The following DSP variants were observed in gnomAD, a reference collection of about 807,000 sequenced individuals.
DSP encodes 250/210 kDa paraneoplastic pemphigus antigen.
DSP carries 114 observed loss-of-function variants against 290.6 expected under a neutral mutation model. The observed-to-expected ratio is 0.39, with a 90% CI of 0.34 to 0.46. The LOEUF (loss-of-function observed/expected upper bound fraction) is 0.46. Ranked by LOEUF, DSP falls within the 20% of genes least tolerant of loss-of-function variation. DSP has a pLI of 0.99. For missense variants in DSP, 3,230 were observed against 3,495.8 expected (o/e 0.92, Z 1.92); for synonymous variants, 1,311 against 1,316.4 (o/e 1.00, Z 0.09).
intron 2 of DSP, among the ~76,000 whole-genome samples, chr6:7,557,377 C>A (rs1311800634): frequency 6.6e-6 from 1 of 152,154 alleles, no homozygotes; most frequent in Non-Finnish European, 1.5e-5. Flanking sequence ...CAGAAGCCTT[C>A]TTTTTAAGAA....
At chr6:7,545,966 C>G (rs773583941) in intron 1 of DSP, among the ~76,000 whole-genome samples, 4 of 152,138 alleles carry the variant, frequency 2.6e-5, no homozygotes, top group Non-Finnish European at 4.4e-5. Context: ...GCATTGGAGA[C>G]CTTGAATGCC....
At chr6:7,548,825 TA>T (rs1758249580) in intron 1 of DSP, among the ~76,000 whole-genome samples, 1 of 152,202 alleles carries the variant, frequency 6.6e-6, no homozygotes, top group Admixed American at 6.5e-5. Flanking sequence ...AGATGAGCCA[TA>T]ATACCCTCAG....
In DSP at chr6:7,577,787, G is replaced by A; in HGVS notation, c.2886G>A (p.Glu962=). 1 of 1,613,866 alleles carries A rather than the reference G, an allele frequency of 6.2e-7. No individual in the cohort carries two copies. The highest frequency in any genetic ancestry group is 8.5e-7 in the Non-Finnish European group (1 of 1,179,778). The change falls in exon 21 of 24, where the codon GAG becomes GAA. Residue 962 remains glutamate (E), a synonymous_variant. Coordinates refer to ENST00000379802, the MANE Select transcript of DSP (RefSeq NM_004415.4). ...ELCANSIKDY[E]LQLASYTSGL... is the part of the protein sequence containing the mutation. ...ACTTCATTATGCTGCAGGATTATGA[G>A]CTCCAGCTGGCCTCATACACCTCAG...
chr6:7,567,033 G>A (rs1335490287), intron 8 of DSP, among the ~76,000 whole-genome samples: 1 of 152,164 alleles, frequency 6.6e-6, no homozygotes, highest in Non-Finnish European at 1.5e-5. Context: ...ACAGGGCTCG[G>A]TGTGGCAAAG....
chr6:7,578,838 C>T (rs571147892), intron 22 of DSP, among the ~76,000 whole-genome samples: 2 of 152,240 alleles, frequency 1.3e-5, no homozygotes, highest in African/African-American at 2.4e-5. Context: ...TGCTTTATTT[C>T]TCTGTGTTAA....
At chr6:7,564,869 G>A (rs918543413) in intron 6 of DSP, among the ~76,000 whole-genome samples, 2 of 152,168 alleles carry the variant, frequency 1.3e-5, no homozygotes, top group Non-Finnish European at 2.9e-5. Context: ...TTAAGGCCAG[G>A]TGTGGTGGCT....
intron 1 of DSP, among the ~76,000 whole-genome samples, chr6:7,549,640 A>C (rs1359689073): frequency 6.6e-6 from 1 of 152,208 alleles, no homozygotes; most frequent in Admixed American, 6.5e-5. Context: ...AATTCCTAAC[A>C]CACATTTCCT....
rs1348738133 is a variant in DSP at position 7,583,733 on chromosome 6, T to C, written c.6471T>C (p.Asp2157=). Reference sequence around the variant, plus strand: ...TGGCCCGGGGGCTGATTGATAGAGATTTGTATCGATCCCTGAATGATCCCC... The same window carrying C: ...TGGCCCGGGGGCTGATTGATAGAGACTTGTATCGATCCCTGAATGATCCCC... ...VALARGLIDR[D]LYRSLNDPRD... Residue 2157 remains aspartate (D), a synonymous_variant, in exon 24 of 24, where the codon GAT becomes GAC. Transcript: ENST00000379802. The surrounding 1 kb of genome is among the most constrained non-coding windows in gnomAD (Gnocchi z 4.0). 2 of 1,613,912 alleles carry C rather than the reference T, an allele frequency of 1.2e-6. No homozygotes were observed. The highest frequency in any genetic ancestry group is 2.2e-5 in the East Asian group (1 of 44,854).
At chr6:7,571,285 G>C in intron 13 of DSP, 98 bp from the exon 14 acceptor site, 1 of 1,125,968 alleles carries the variant, frequency 8.9e-7, no homozygotes, top group South Asian at 1.2e-5. Context: ...GTGTTGCTTT[G>C]AGTCCCATCT....
At chr6:7,571,290 C>T in intron 13 of DSP, 93 bp from the exon 14 acceptor site, 1 of 1,215,686 alleles carries the variant, frequency 8.2e-7, no homozygotes, top group Non-Finnish European at 1.2e-6. Context: ...GCTTTGAGTC[C>T]CATCTAGTGG....
At chr6:7,546,717 G>A (rs758026566) in intron 1 of DSP, among the ~76,000 whole-genome samples, 4 of 152,158 alleles carry the variant, frequency 2.6e-5, no homozygotes, top group South Asian at 4.2e-4. Context: ...CTCAGTCTGC[G>A]TTCCTGTGAA....
rs1759644550 is a variant in DSP at position 7,585,735 on chromosome 6, T to A, written c.8473T>A (p.Ser2825Thr). The A allele has an allele frequency of 1.2e-6, 2 of 1,609,698 alleles. No individual in the cohort carries two copies. Among genetic ancestry groups the A allele is most frequent in the Non-Finnish European group, 1.7e-6 (2 of 1,177,398 alleles). Residue 2825 changes from serine (S) to threonine (T), a missense_variant, in exon 24 of 24, where the codon TCC becomes ACC. Transcript: ENST00000379802. ...SPYNMSSAPG[S>T]RSGSRSGSRS... is the part of the protein sequence containing the mutation. ...TTACAACATGTCTTCGGCTCCGGGG[T>A]CCCGCTCCGGCTCCCGCTCGGGATC...
chr6:7,542,564 A>G (rs1343116610), intron 1 of DSP, among the ~76,000 whole-genome samples: 4 of 152,168 alleles, frequency 2.6e-5, no homozygotes, highest in Middle Eastern at 3.4e-3. Flanking sequence ...CTCACCCCCA[A>G]TCCCCAGTAA....
intron 1 of DSP, among the ~76,000 whole-genome samples, chr6:7,542,794 C>G (rs780968350): frequency 6.6e-6 from 1 of 152,216 alleles, no homozygotes; most frequent in African/African-American, 2.4e-5. Flanking sequence ...CGCCGCAGCC[C>G]CCGCGGGCGA....
chr6:7,552,565 A>AG (rs549758708), intron 1 of DSP, among the ~76,000 whole-genome samples: 11 of 114,616 alleles, frequency 9.6e-5, no homozygotes, highest in African/African-American at 3.1e-4. Flanking sequence ...TCCATCTCGG[A>AG]AAAAAAAAAA....
At chr6:7,577,447 G>T (rs1759272944) in intron 20 of DSP, among the ~76,000 whole-genome samples, 1 of 152,134 alleles carries the variant, frequency 6.6e-6, no homozygotes, top group Non-Finnish European at 1.5e-5. Context: ...TCCCGCCTCA[G>T]CTTCCTGAGT....
intron 15 of DSP, among the ~76,000 whole-genome samples, chr6:7,573,591 A>AG (rs1759127685): frequency 1.3e-5 from 2 of 151,948 alleles, no homozygotes; most frequent in Non-Finnish European, 2.9e-5. Flanking sequence ...AAAAAAAAAA[A>AG]GAAAGAAAGA....
chr6:7,561,208 T>C (rs1758679993), intron 4 of DSP, among the ~76,000 whole-genome samples: 1 of 152,226 alleles, frequency 6.6e-6, no homozygotes. Context: ...CGCCTTGGCC[T>C]CCCAAAGTAT....
Position 7,583,537 on chromosome 6 carries a change from C to T in DSP, c.6275C>T (p.Ala2092Val), listed in dbSNP as rs876657796. ...CAGCAGATATATGCAGCAGAAAAAG[C>T]TATCACTGGTTTTGATGATCCATTT... ...DRQQIYAAEK[A>V]ITGFDDPFSG... Residue 2092 changes from alanine to valine, a missense_variant, in exon 24 of 24, where the codon GCT becomes GTT. By Grantham distance (64) the Ala-to-Val change is moderately conservative (BLOSUM62 0). Coordinates refer to ENST00000379802, the MANE Select transcript of DSP (RefSeq NM_004415.4). This position sits in a 1 kb window ranked among gnomAD's most constrained non-coding sequence, Gnocchi z 4.0. 8.1e-6 allele frequency: 13 copies of T among 1,614,156 alleles called. No individual in the cohort carries two copies. The highest frequency in any genetic ancestry group is 1.1e-5 in the Non-Finnish European group (13 of 1,180,042).
Sources: allele counts gnomAD v4.1 joint callset (sites outside exome capture counted in the v4.1 genomes callset), GRCh38; gene constraint gnomAD v4.1.1; non-coding constraint Gnocchi (gnomAD v3.1); transcripts MANE v1.5; gene names NCBI Gene and HGNC (gene_info 2026-07-23, HGNC 2026-07-21).